ABLIM1: variants seen among roughly 807,000 people sequenced by gnomAD.
The protein encoded by ABLIM1 is actin binding LIM protein 1.
A neutral mutation model predicts 107.0 loss-of-function variants in ABLIM1; 40 were observed. The ratio of observed to expected loss-of-function variants is 0.37; its 90% CI spans 0.29 to 0.49. The LOEUF (loss-of-function observed/expected upper bound fraction) is 0.49. Ranked by LOEUF, ABLIM1 falls within the 20% of genes least tolerant of loss-of-function variation. The pLI is 0.97. For synonymous variants in ABLIM1, 357 were observed against 357.3 expected, an observed-to-expected ratio of 1.00 and a Z score of 0.01; for missense variants, 857 against 1,008.5, an observed-to-expected ratio of 0.85 and a Z score of 2.04.
Position 114,741,216 on chromosome 10 carries a change from C to CTTTTTTTTT in ABLIM1, c.-213+26836_-213+26844dup, listed in dbSNP as rs751287379. 3.8e-4 allele frequency among the ~76,000 whole-genome samples: 23 copies of CTTTTTTTTT among 59,886 alleles called. 1 individual carries two copies. The highest frequency in any genetic ancestry group is 6.3e-4 in the Non-Finnish European group (20 of 31,594). 39.3% of individuals were successfully genotyped at this position (59,886 alleles called of 152,430 possible). On this transcript the variant is annotated intron_variant, in intron 1 of 15. Transcript: ENST00000651092. Reference sequence around the variant, plus strand: ...ATAACACCTTGATAGGACTATTCTTCTTTTTTTTTTTTTTTTTTTTTTTTT... The same window carrying CTTTTTTTTT: ...ATAACACCTTGATAGGACTATTCTTCTTTTTTTTTTTTTTTTTTTTTTTTTTTTTTTTTT...
intron 1 of ABLIM1, among the ~76,000 whole-genome samples, chr10:114,664,181 G>A (rs769244125): frequency 6.6e-6 from 1 of 152,208 alleles, no homozygotes; most frequent in African/African-American, 2.4e-5. Flanking sequence ...ATGGTCACAA[G>A]AAATGTAAGC....
chr10:114,649,508 G>C lies in ABLIM1; in HGVS notation c.244+8449C>G, dbSNP rs545508636. 1.2e-4 allele frequency among the ~76,000 whole-genome samples: 18 copies of C among 151,670 alleles called. No individual in the cohort carries two copies. In the East Asian group the frequency reaches 3.3e-3, roughly 28 times the overall value. On this transcript the variant is annotated intron_variant, in intron 1 of 22. Coordinates refer to ENST00000533213, the MANE Select transcript of ABLIM1 (RefSeq NM_002313.7). ...CCTTTGAGAAATATCTAGAATCCTC[G>C]TGCATATCATATCATAGTCTATCTA...
chr10:114,473,827 A>G, intron 9 of ABLIM1, 52 bp downstream of exon 9: 1 of 1,412,006 alleles, frequency 7.1e-7, no homozygotes, highest in Non-Finnish European at 9.9e-7. Context: ...TGCTATTACA[A>G]TCCACTAATT....
the ABLIM1 span, among the ~76,000 whole-genome samples, chr10:114,775,678 C>G: frequency 0.43 from 64,815 of 152,068 alleles, 14,711 homozygotes; most frequent in Non-Finnish European, 0.51. Flanking sequence ...GGCACTGATT[C>G]TTATATTATT....
chr10:114,474,645 G>A (rs975800952), intron 8 of ABLIM1, among the ~76,000 whole-genome samples: 7 of 152,176 alleles, frequency 4.6e-5, no homozygotes, highest in Non-Finnish European at 8.8e-5. Flanking sequence ...CTCCCCAAGT[G>A]CTGGGATTAC....
At chr10:114,592,065 C>G (rs979400384) in intron 2 of ABLIM1, among the ~76,000 whole-genome samples, 1 of 152,202 alleles carries the variant, frequency 6.6e-6, no homozygotes, top group African/African-American at 2.4e-5. Context: ...CTAATACAAA[C>G]TCCCTGCCCC....
upstream of ABLIM1, among the ~76,000 whole-genome samples, chr10:114,769,395 A>G (rs2082980041): frequency 7.1e-6 from 1 of 141,462 alleles, no homozygotes; most frequent in African/African-American, 2.7e-5. Context: ...ACAAGAAAGA[A>G]AGAAAAGAAA....
chr10:114,444,163 A>AG (rs1241460271), intron 16 of ABLIM1, 29 bp from the exon 17 acceptor site: 2 of 1,517,274 alleles, frequency 1.3e-6, no homozygotes, highest in African/African-American at 2.8e-5. Context: ...AAAAAAAAAA[A>AG]AAAAAGAAAG....
intron 1 of ABLIM1, among the ~76,000 whole-genome samples, chr10:114,648,994 A>G (rs2079123597): frequency 1.3e-5 from 2 of 152,164 alleles, no homozygotes; most frequent in Admixed American, 6.5e-5. Context: ...GTAATATCAA[A>G]CAGGGAGAGA....
At chr10:114,635,384 A>G (rs987706997) in intron 1 of ABLIM1, among the ~76,000 whole-genome samples, 1 of 152,238 alleles carries the variant, frequency 6.6e-6, no homozygotes, top group African/African-American at 2.4e-5. Context: ...GGCAGAGTCC[A>G]CTTCCTCATA....
chr10:114,558,591 G>C (rs1281393359), intron 4 of ABLIM1, among the ~76,000 whole-genome samples: 1 of 152,090 alleles, frequency 6.6e-6, no homozygotes, highest in South Asian at 2.1e-4. Flanking sequence ...GCCTTCTAGA[G>C]AGCAAGTACT....
At chr10:114,571,741 G>T (rs919047020) in intron 3 of ABLIM1, among the ~76,000 whole-genome samples, 1 of 152,134 alleles carries the variant, frequency 6.6e-6, no homozygotes, top group African/African-American at 2.4e-5. Context: ...AGTCCTTCAT[G>T]AAAAAATATT....
At chr10:114,569,974 A>G (rs1565964298) in intron 4 of ABLIM1, among the ~76,000 whole-genome samples, 1 of 152,270 alleles carries the variant, frequency 6.6e-6, no homozygotes, top group Non-Finnish European at 1.5e-5. Flanking sequence ...TTTAGTCAGA[A>G]CATTCTTCTT....
At chr10:114,646,941 A>G (rs2079034791) in intron 1 of ABLIM1, among the ~76,000 whole-genome samples, 1 of 152,210 alleles carries the variant, frequency 6.6e-6, no homozygotes, top group South Asian at 2.1e-4. Flanking sequence ...CACTGGACCA[A>G]TTGGTGACCT....
At chr10:114,450,991 A>G (rs1488969009) in intron 14 of ABLIM1, among the ~76,000 whole-genome samples, 1 of 152,240 alleles carries the variant, frequency 6.6e-6, no homozygotes, top group African/African-American at 2.4e-5. Flanking sequence ...CATCCACGTT[A>G]GTGATTCTTA....
chr10:114,444,411 G>A lies in ABLIM1; in HGVS notation c.1828-277C>T, dbSNP rs946111929. ...TTCCTCTGCTTTCCCTAAAGAGCCA[G>A]GAGACCTCAGAAGGCATGTGTGAGT... On this transcript the variant is annotated intron_variant, in intron 16 of 22. Coordinates refer to ENST00000533213, the MANE Select transcript of ABLIM1 (RefSeq NM_002313.7). 1.3e-5 allele frequency among the ~76,000 whole-genome samples: 2 copies of A among 152,160 alleles called. 1 individual carries two copies. The highest frequency in any genetic ancestry group is 1.3e-4 in the Admixed American group (2 of 15,270).
intron 1 of ABLIM1, among the ~76,000 whole-genome samples, chr10:114,711,306 T>C (rs1386412587): frequency 6.6e-6 from 1 of 152,198 alleles, no homozygotes; most frequent in African/African-American, 2.4e-5. Flanking sequence ...AGCCCTCCTG[T>C]TGCTATACAA....
At chr10:114,737,609 A>C (rs1304282235) in intron 1 of ABLIM1, among the ~76,000 whole-genome samples, 1 of 152,226 alleles carries the variant, frequency 6.6e-6, no homozygotes, top group Non-Finnish European at 1.5e-5. Context: ...CAACAGGTAC[A>C]AATATCACTA....
intron 4 of ABLIM1, among the ~76,000 whole-genome samples, chr10:114,563,512 T>C (rs761625101): frequency 1.1e-4 from 16 of 152,090 alleles, no homozygotes; most frequent in Non-Finnish European, 1.9e-4. Flanking sequence ...GACAAATGTA[T>C]AATAGTAATA....
Sources: gnomAD v4.1 joint callset for allele counts (sites outside exome capture counted in the v4.1 genomes callset) on GRCh38, gnomAD v4.1.1 for gene constraint, MANE v1.5 for transcripts, NCBI Gene and HGNC (gene_info 2026-07-23, HGNC 2026-07-21) for gene names.